HTRA3: variants seen among roughly 807,000 people sequenced by gnomAD.
HTRA3 encodes the protein serine protease HTRA3.
In HTRA3, 41 loss-of-function variants were observed where a neutral mutation model predicts 43.2. That is an observed-to-expected ratio of 0.95 (90% CI 0.74 to 1.23). The LOEUF (loss-of-function observed/expected upper bound fraction) is 1.23. HTRA3 is among the 50% of genes most tolerant of loss of function. The pLI, the probability that HTRA3 is intolerant of heterozygous loss-of-function variation, is 0.00. For synonymous variants in HTRA3, 295 were observed against 287.9 expected (o/e 1.02, Z -0.25); for missense variants, 628 against 647.1 (o/e 0.97, Z 0.32).
At chr4:8,293,250 G>C (rs1437537244) in intron 5 of HTRA3, among the ~76,000 whole-genome samples, 1 of 152,206 alleles carries the variant, frequency 6.6e-6, no homozygotes, top group Non-Finnish European at 1.5e-5. Flanking sequence ...TCGTGTGTGT[G>C]GTTTAGGCTG....
At position 8,306,544 on chromosome 4, in the gene HTRA3, C is replaced by T. The variant is rs1263959459; in HGVS notation, c.*408C>T. 3 of 172,762 alleles carry T rather than the reference C, an allele frequency of 1.7e-5. No individual in the cohort carries two copies. The highest frequency in any genetic ancestry group is 1.8e-4 in the East Asian group (1 of 5,682). The allele number at this position is 172,762 out of a possible 1,614,324, so 10.7% of individuals were successfully genotyped here. ...GCCAAGCTTCTTCCCCCCTGACAAACGCCCACCTGACCTGAGGCCCCAGCT... is the reference window on the plus strand; with the variant it reads ...GCCAAGCTTCTTCCCCCCTGACAAATGCCCACCTGACCTGAGGCCCCAGCT... On this transcript the variant is annotated 3_prime_UTR_variant, in exon 9 of 9. Coordinates refer to ENST00000307358, the MANE Select transcript of HTRA3 (RefSeq NM_053044.5). This position sits in a 1 kb window ranked among gnomAD's most constrained non-coding sequence, Gnocchi z 8.9.
rs771641989 is a variant in HTRA3 at position 8,306,019 on chromosome 4, T to G, written c.1245T>G (p.Pro415=). The part of the protein sequence containing the change: ...GDIIVKVNGR[P]LVDSSELQEA... ...TCATCGTCAAGGTCAACGGGCGTCCTCTAGTGGACTCGAGTGAGCTGCAGG... is the reference window on the plus strand; with the variant it reads ...TCATCGTCAAGGTCAACGGGCGTCCGCTAGTGGACTCGAGTGAGCTGCAGG... The change falls in exon 9 of 9, where the codon CCT becomes CCG. Residue 415 remains proline, a synonymous_variant. Coordinates refer to ENST00000307358, the MANE Select transcript of HTRA3 (RefSeq NM_053044.5). This position sits in a 1 kb window ranked among gnomAD's most constrained non-coding sequence, Gnocchi z 8.9. 3.1e-6 allele frequency: 5 copies of G among 1,612,480 alleles called. No homozygotes were observed. The highest frequency in any genetic ancestry group is 3.4e-6 in the Non-Finnish European group (4 of 1,179,678).
rs531327271 is a variant in HTRA3, at chr4:8,304,465, T to G, written c.1196+186T>G. On this transcript the variant is annotated intron_variant, in intron 8 of 8. Transcript: ENST00000307358. The stretch of plus-strand genomic sequence containing the variant: ...GCTGAATGGTCCCTAGAGCCCTGAC[T>G]GTGTACGTCCTAAGTCCCACAATGT... Among the ~76,000 whole-genome samples, 30 of 152,202 alleles carry G rather than the reference T, an allele frequency of 2.0e-4. No homozygotes were observed. In the South Asian group the frequency reaches 6.0e-3, roughly 31 times the overall value.
chr4:8,297,579 C>T lies in HTRA3; in HGVS notation c.1051+3378C>T, dbSNP rs755942994. On this transcript the variant is annotated intron_variant, in intron 6 of 8. Coordinates refer to ENST00000307358, the MANE Select transcript of HTRA3 (RefSeq NM_053044.5). The surrounding 1 kb of genome is among the most constrained non-coding windows in gnomAD (Gnocchi z 5.8). ...GGCCTCGAGGGTGAGGGCTGCATGA[C>T]GGGGCAGGAGACCTCTCTGAGGAGG... Among the ~76,000 whole-genome samples the T allele has an allele frequency of 5.9e-5, 9 of 151,986 alleles. No individual in the cohort carries two copies. The highest frequency in any genetic ancestry group is 1.2e-4 in the Non-Finnish European group (8 of 67,994).
intron 6 of HTRA3, among the ~76,000 whole-genome samples, chr4:8,300,653 T>C (rs1713602862): frequency 6.6e-6 from 1 of 152,234 alleles, no homozygotes. Flanking sequence ...ATCAGTTTTA[T>C]TGATCTTAAA....
chr4:8,299,841 C>CATTTTTT (rs1553821600), intron 6 of HTRA3, among the ~76,000 whole-genome samples: 1 of 140,710 alleles, frequency 7.1e-6, no homozygotes, highest in Admixed American at 7.2e-5. Context: ...ATGTATTATC[C>CATTTTTT]TTTTTTTTTT....
intron 1 of HTRA3, among the ~76,000 whole-genome samples, chr4:8,276,678 C>G (rs1712536682): frequency 6.6e-6 from 1 of 152,246 alleles, no homozygotes; most frequent in Non-Finnish European, 1.5e-5. Context: ...CCTCCTCCTC[C>G]CAGGGGCTGG....
At chr4:8,294,506 G>A (rs1161887375) in intron 6 of HTRA3, among the ~76,000 whole-genome samples, 3 of 150,684 alleles carry the variant, frequency 2.0e-5, no homozygotes, top group African/African-American at 7.4e-5. Context: ...CAGCTTCCTG[G>A]ACTCCCTGGG....
intron 2 of HTRA3, among the ~76,000 whole-genome samples, chr4:8,284,773 T>G (rs1265439645): frequency 6.6e-6 from 1 of 152,174 alleles, no homozygotes; most frequent in African/African-American, 2.4e-5. Flanking sequence ...TGCTTTGCCC[T>G]TTGCCTGCCC....
chr4:8,278,289 G>A (rs1307007567), intron 1 of HTRA3, among the ~76,000 whole-genome samples: 1 of 151,744 alleles, frequency 6.6e-6, no homozygotes, highest in East Asian at 1.9e-4. Flanking sequence ...CCTCTCCTGG[G>A]ATGTGACACC....
At chr4:8,277,786 A>G (rs1259964065) in intron 1 of HTRA3, among the ~76,000 whole-genome samples, 1 of 152,186 alleles carries the variant, frequency 6.6e-6, no homozygotes, top group Non-Finnish European at 1.5e-5. Context: ...GGTCACCGTT[A>G]TGGACAGATG....
chr4:8,282,618 G>A, intron 2 of HTRA3, 82 bp downstream of exon 2: 1 of 1,072,126 alleles, frequency 9.3e-7, no homozygotes, highest in East Asian at 2.6e-5. Context: ...AACCAGGCTT[G>A]ATTCTGCAGC....
At chr4:8,304,526 G>C (rs1330782660) in intron 8 of HTRA3, among the ~76,000 whole-genome samples, 2 of 152,038 alleles carry the variant, frequency 1.3e-5, no homozygotes, top group Non-Finnish European at 2.9e-5. Flanking sequence ...AAGAGTCCCT[G>C]TTGGGCTAAG....
intron 6 of HTRA3, among the ~76,000 whole-genome samples, chr4:8,301,175 TCA>T (rs1236638435): frequency 2.0e-5 from 3 of 150,562 alleles, no homozygotes; most frequent in African/African-American, 4.9e-5. Context: ...ACTTTATTAT[TCA>T]CACTCATCTT....
chr4:8,284,386 C>T (rs1712877366), intron 2 of HTRA3, among the ~76,000 whole-genome samples: 1 of 152,218 alleles, frequency 6.6e-6, no homozygotes, highest in African/African-American at 2.4e-5. Flanking sequence ...TAATTACTGA[C>T]TCCAGCCCGG....
rs1713465624 is a variant in HTRA3, at chr4:8,296,558, G to A, written c.1051+2357G>A. The A allele has an allele frequency of 1.7e-5, 17 of 983,978 alleles. No homozygotes were observed. The highest frequency in any genetic ancestry group is 2.1e-5 in the Non-Finnish European group (17 of 828,790). The allele number at this position is 983,978 out of a possible 1,614,324, so 61.0% of individuals were successfully genotyped here. On this transcript the variant is annotated intron_variant, in intron 6 of 8. Transcript: ENST00000307358. This position sits in a 1 kb window ranked among gnomAD's most constrained non-coding sequence, Gnocchi z 5.3. The stretch of plus-strand genomic sequence containing the variant: ...TAAGTGCATTTATTATTCTCGTCTG[G>A]AGGTGGGGTGCAGAGGCCTCTGAGG...
chr4:8,286,611 T>C lies in HTRA3; in HGVS notation c.536T>C (p.Ile179Thr). ...CCCCTGTCCAGCGGTTCTGGCTTCA[T>C]CATGTCAGAGGCCGGCCTGATCATC... Reference protein sequence around the residue: ...NVPLSSGSGFIMSEAGLIITN... With the variant: ...NVPLSSGSGFTMSEAGLIITN... Residue 179 changes from isoleucine (I) to threonine (T), a missense_variant, in exon 3 of 9, where the codon ATC becomes ACC. Ile to Thr is a moderately conservative substitution (Grantham distance 89). Transcript: ENST00000307358. The surrounding 1 kb of genome is among the most constrained non-coding windows in gnomAD (Gnocchi z 4.9). 6.2e-7 allele frequency: 1 copy of C among 1,614,132 alleles called. No individual in the cohort carries two copies. The highest frequency in any genetic ancestry group is 8.5e-7 in the Non-Finnish European group (1 of 1,180,028).
At chr4:8,305,825 T>A (rs1713821825) in intron 8 of HTRA3, 146 bp from the exon 9 acceptor site, 4 of 813,640 alleles carry the variant, frequency 4.9e-6, no homozygotes, top group Non-Finnish European at 6.0e-6. Context: ...GTGAGAGCTT[T>A]GGGGCTGGGG....
In HTRA3 at chr4:8,269,932, G is replaced by T; in HGVS notation, c.-37G>T. 9.9e-7 allele frequency: 1 copy of T among 1,011,778 alleles called. No individual in the cohort carries two copies. The highest frequency in any genetic ancestry group is 1.2e-6 in the Non-Finnish European group (1 of 841,794). The allele number at this position is 1,011,778 out of a possible 1,614,324, so 62.7% of individuals were successfully genotyped here. Reference sequence around the variant, plus strand: ...CGTTGTCCCCGCCGGCCCCCGCCCGGTCTCCCGCGCTGCCACCCGCCGCCG... The same window carrying T: ...CGTTGTCCCCGCCGGCCCCCGCCCGTTCTCCCGCGCTGCCACCCGCCGCCG... On this transcript the variant is annotated 5_prime_UTR_variant, in exon 1 of 9. Transcript: ENST00000307358.
Sources: allele counts gnomAD v4.1 joint callset (sites outside exome capture counted in the v4.1 genomes callset), GRCh38; gene constraint gnomAD v4.1.1; non-coding constraint Gnocchi (gnomAD v3.1); transcripts MANE v1.5; gene names NCBI Gene and HGNC (gene_info 2026-07-23, HGNC 2026-07-21).